GARRE1: variants seen among roughly 807,000 people sequenced by gnomAD.
The protein encoded by GARRE1 is granule associated Rac and RHOG effector 1.
A neutral mutation model predicts 103.2 loss-of-function variants in GARRE1; 49 were observed. The observed-to-expected ratio is 0.47, with a 90% confidence interval of 0.38 to 0.60. GARRE1 has a LOEUF of 0.60. GARRE1 is among the 20% of genes least tolerant of loss of function. The probability of loss-of-function intolerance (pLI) is 0.00; values close to 1 mark genes in which losing one functional copy is unlikely to be tolerated. For missense variants in GARRE1, 1,199 were observed against 1,370.5 expected, an observed-to-expected ratio of 0.87 and a Z score of 1.98; for synonymous variants, 505 against 532.8, an observed-to-expected ratio of 0.95 and a Z score of 0.72.
chr19:34,318,264 A>C (rs2074069020), intron 2 of GARRE1, among the ~76,000 whole-genome samples: 1 of 152,240 alleles, frequency 6.6e-6, no homozygotes, highest in African/African-American at 2.4e-5. Context: ...AGGCAAGGCG[A>C]GAGGTCCACA....
intron 2 of GARRE1, among the ~76,000 whole-genome samples, chr19:34,303,684 C>A (rs1409810560): frequency 6.6e-6 from 1 of 152,032 alleles, no homozygotes; most frequent in Non-Finnish European, 1.5e-5. Context: ...GGCGTGATCT[C>A]GGCTCACTGC....
intron 7 of GARRE1, 24 bp from the exon 8 acceptor site, chr19:34,333,680 T>G (rs979707436): frequency 2.8e-5 from 31 of 1,109,108 alleles, no homozygotes; most frequent in Non-Finnish European, 3.6e-5. Context: ...GTTATTTGTT[T>G]TTTTTTTTTT....
chr19:34,305,090 C>T (rs535593721), intron 2 of GARRE1, among the ~76,000 whole-genome samples: 64 of 152,268 alleles, frequency 4.2e-4, no homozygotes, highest in Non-Finnish European at 7.9e-4. Context: ...CCGTGCCCGG[C>T]GGGCTTGTCA....
chr19:34,289,814 A>G (rs1236381091), intron 1 of GARRE1, among the ~76,000 whole-genome samples: 4 of 152,082 alleles, frequency 2.6e-5, no homozygotes, highest in African/African-American at 9.7e-5. Flanking sequence ...TGCCAGTTTG[A>G]AGTTCTGAGA....
intron 10 of GARRE1, 118 bp downstream of exon 10, chr19:34,342,573 T>TA: frequency 1.1e-6 from 1 of 929,184 alleles, no homozygotes; most frequent in East Asian, 2.5e-5. Context: ...AATCCCCCTT[T>TA]ACGACCCTTT....
At position 34,339,789 on chromosome 19, in the gene GARRE1, G is replaced by A. The variant is rs1310778464; in HGVS notation, c.1362-78G>A. The A allele has an allele frequency of 1.9e-6, 3 of 1,577,026 alleles. No individual in the cohort carries two copies. The African/African-American group carries it at 4.1e-5, about 21-fold the overall frequency. ...GCGCCAGAGGTACATAAAAGTTGTA[G>A]CCTTTTCTATGAGACCTGCTTGAGA... On this transcript the variant is annotated intron_variant, in intron 8 of 13. Transcript: ENST00000299505.
chr19:34,287,449 G>C (rs113883097), intron 1 of GARRE1, among the ~76,000 whole-genome samples: 2 of 152,250 alleles, frequency 1.3e-5, no homozygotes, highest in African/African-American at 4.8e-5. Context: ...GCACCACTGT[G>C]TCCAGCCCTC....
rs2074242454 is a variant in GARRE1, at chr19:34,352,356, CGT to C, written c.2905-290_2905-289del. Among the ~76,000 whole-genome samples, 22 of 146,356 alleles carry C rather than the reference CGT, an allele frequency of 1.5e-4. No individual in the cohort carries two copies. The South Asian group carries it at 4.9e-3, about 32-fold the overall frequency. ...GGCAGAGGTTGCAGTGAGCCGAGAT[CGT>C]ACCACTGCACTCCAGCCTGGGCGAG... On this transcript the variant is annotated intron_variant, in intron 13 of 13. Coordinates refer to ENST00000299505, the MANE Select transcript of GARRE1 (RefSeq NM_014686.5).
intron 1 of GARRE1, among the ~76,000 whole-genome samples, chr19:34,258,589 C>T (rs2073690852): frequency 6.6e-6 from 1 of 151,858 alleles, no homozygotes; most frequent in Non-Finnish European, 1.5e-5. Flanking sequence ...CCGAGACCAT[C>T]TTGGCTAACA....
chr19:34,341,988 G>A lies in GARRE1; in HGVS notation c.2054G>A (p.Gly685Glu), dbSNP rs777333449. Residue 685 changes from glycine (G) to glutamate (E), a missense_variant, in exon 10 of 14, where the codon GGA (glycine) becomes GAA (glutamate). Transcript: ENST00000299505. ...GCCATGGTGACTGAGCAGAAGGCAG[G>A]AGCCATGCAACCACAGCAGCCGTCA... The part of the protein sequence containing the change: ...ATAMVTEQKA[G>E]AMQPQQPSLP... The A allele has an allele frequency of 8.1e-6, 13 of 1,614,046 alleles. No homozygotes were observed. Among genetic ancestry groups the A allele is most frequent in the Non-Finnish European group, 1.0e-5 (12 of 1,180,046 alleles).
chr19:34,335,536 T>G (rs1344584591), intron 8 of GARRE1, among the ~76,000 whole-genome samples: 1 of 152,248 alleles, frequency 6.6e-6, no homozygotes, highest in Non-Finnish European at 1.5e-5. Context: ...CATTTGTTCT[T>G]TTTTTTCGAG....
At chr19:34,302,960 G>T (rs1036670221) in intron 2 of GARRE1, among the ~76,000 whole-genome samples, 1 of 151,786 alleles carries the variant, frequency 6.6e-6, no homozygotes, top group Non-Finnish European at 1.5e-5. Flanking sequence ...GCCCAGGCTG[G>T]TGTCAAACTC....
chr19:34,287,152 A>T (rs1187288007), intron 1 of GARRE1, among the ~76,000 whole-genome samples: 1 of 151,828 alleles, frequency 6.6e-6, no homozygotes, highest in Non-Finnish European at 1.5e-5. Context: ...AAAAAAAAAA[A>T]AAAGTGTATT....
chr19:34,309,006 C>T (rs1200339069), intron 2 of GARRE1, among the ~76,000 whole-genome samples: 5 of 151,904 alleles, frequency 3.3e-5, no homozygotes, highest in Non-Finnish European at 7.4e-5. Flanking sequence ...CAGGTCATCA[C>T]GTCTCCTGAT....
At chr19:34,306,374 T>C (rs1048289247) in intron 2 of GARRE1, among the ~76,000 whole-genome samples, 1 of 152,252 alleles carries the variant, frequency 6.6e-6, no homozygotes. Context: ...GGCCAGTGCA[T>C]GTGTGCAGTG....
chr19:34,264,566 T>A (rs1356720439), intron 1 of GARRE1, among the ~76,000 whole-genome samples: 2 of 152,026 alleles, frequency 1.3e-5, no homozygotes, highest in Non-Finnish European at 2.9e-5. Flanking sequence ...GCCTGGCTAA[T>A]TTTTTGTATT....
intron 7 of GARRE1, among the ~76,000 whole-genome samples, chr19:34,331,230 G>C (rs2074136615): frequency 4.0e-5 from 6 of 151,894 alleles, no homozygotes; most frequent in Admixed American, 3.9e-4. Context: ...CATTACATTA[G>C]TAACAAGTTG....
At chr19:34,332,442 A>G (rs905416732) in intron 7 of GARRE1, among the ~76,000 whole-genome samples, 9 of 152,004 alleles carry the variant, frequency 5.9e-5, no homozygotes, top group African/African-American at 2.2e-4. Context: ...TTGAGAAAAC[A>G]CTGTAGATTA....
At chr19:34,313,476 A>T (rs1411457294) in intron 2 of GARRE1, among the ~76,000 whole-genome samples, 4 of 152,132 alleles carry the variant, frequency 2.6e-5, no homozygotes, top group Admixed American at 6.5e-5. Context: ...TCCCTGTCAG[A>T]TGGGGATATT....
Sources: allele counts gnomAD v4.1 joint callset (sites outside exome capture counted in the v4.1 genomes callset), GRCh38; gene constraint gnomAD v4.1.1; transcripts MANE v1.5; gene names NCBI Gene and HGNC (gene_info 2026-07-23, HGNC 2026-07-21).